Variants in MOV10 observed in about 807,000 individuals in gnomAD.
The protein encoded by MOV10 is Mov10 RNA helicase.
MOV10 carries 39 observed loss-of-function variants against 108.4 expected under a neutral mutation model. That is an observed-to-expected ratio of 0.36 (90% CI 0.28 to 0.47). MOV10 has a LOEUF of 0.47. Ranked by LOEUF, MOV10 falls within the 20% of genes least tolerant of loss-of-function variation. The probability of loss-of-function intolerance (pLI) is 1.00; values close to 1 mark genes in which losing one functional copy is unlikely to be tolerated. For synonymous variants in MOV10, 490 were observed against 523.1 expected (o/e 0.94, Z 0.86); for missense variants, 952 against 1,297.6 (o/e 0.73, Z 4.09).
intron 2 of MOV10, chr1:112,688,488 A>C (rs1673270526): frequency 9.4e-7 from 1 of 1,064,410 alleles, no homozygotes; most frequent in Non-Finnish European, 1.1e-6. Context: ...TCTCCTCACC[A>C]ACAGGCTGGA....
intron 2 of MOV10, among the ~76,000 whole-genome samples, chr1:112,677,325 A>C (rs1018109596): frequency 6.6e-6 from 1 of 152,176 alleles, no homozygotes; most frequent in African/African-American, 2.4e-5. Flanking sequence ...AGAAGACAGA[A>C]GCGGGTTTCA....
At position 112,696,457 on chromosome 1, in the gene MOV10, C is replaced by T; in HGVS notation, c.1904C>T (p.Pro635Leu). 1 of 1,614,064 alleles carries T rather than the reference C, an allele frequency of 6.2e-7. No individual in the cohort carries two copies. The highest frequency in any genetic ancestry group is 2.2e-5 in the East Asian group (1 of 44,882). ...TAGRLVSAQF[P>L]IDHFTHIFID... ...CCCAGGTTGGTCTCGGCCCAGTTTC[C>T]CATTGATCACTTCACACACATCTTC... Residue 635 changes from proline to leucine, a missense_variant, in exon 13 of 21, where the codon CCC becomes CTC. Coordinates refer to ENST00000369645, the MANE Select transcript of MOV10 (RefSeq NM_001321324.2).
chr1:112,700,357 G>T lies in MOV10; in HGVS notation c.2920+17G>T. ...CTACCTCAGGTATGGCTGGGCCAGG[G>T]TGGGGACAGTGCCAGAGGAGGTGGT... On this transcript the variant is annotated intron_variant, in intron 20 of 20. Coordinates refer to ENST00000369645, the MANE Select transcript of MOV10 (RefSeq NM_001321324.2). 1.9e-6 allele frequency: 3 copies of T among 1,614,232 alleles called. No individual in the cohort carries two copies. Among genetic ancestry groups the T allele is most frequent in the Non-Finnish European group, 2.5e-6 (3 of 1,180,032 alleles).
rs1570777126 is a variant in MOV10 at position 112,688,878 on chromosome 1, C to T, written c.138-57C>T. 1.1e-5 allele frequency: 17 copies of T among 1,608,244 alleles called. No homozygotes were observed. In the East Asian group the frequency reaches 3.8e-4, roughly 36 times the overall value. ...TCCGATGCCCTTTCCCACCCGCCGC[C>T]CTGCCTCCCTCGAGCCCTGCCTTCC... On this transcript the variant is annotated intron_variant, in intron 2 of 20. Coordinates refer to ENST00000369645, the MANE Select transcript of MOV10 (RefSeq NM_001321324.2).
rs181807473 is a variant in MOV10 at position 112,696,543 on chromosome 1, C to T, written c.1981+9C>T. ...TCTGGTAGCTATAGCAGGTGAGGGA[C>T]TCAGGTGGGGCTGCAGGTATACACC... is the stretch of plus-strand genomic sequence containing the variant. On this transcript the variant is annotated intron_variant, in intron 13 of 20. Coordinates refer to ENST00000369645, the MANE Select transcript of MOV10 (RefSeq NM_001321324.2). The T allele has an allele frequency of 8.9e-5, 144 of 1,612,868 alleles. No individual in the cohort carries two copies. Among genetic ancestry groups the T allele is most frequent in the Admixed American group, 1.7e-4 (10 of 60,024 alleles).
chr1:112,699,427 T>C, intron 17 of MOV10: 1 of 1,316,474 alleles, frequency 7.6e-7, no homozygotes, highest in Non-Finnish European at 9.8e-7. Context: ...TGAGTTCCCG[T>C]GTTCTTTGCA....
intron 5 of MOV10, among the ~76,000 whole-genome samples, chr1:112,690,487 G>C (rs1204429039): frequency 6.6e-6 from 1 of 152,102 alleles, no homozygotes; most frequent in African/African-American, 2.4e-5. Context: ...AGCCTCCTGA[G>C]TAGCTGGGAT....
intron 2 of MOV10, among the ~76,000 whole-genome samples, chr1:112,684,087 A>G (rs1672871869): frequency 6.6e-6 from 1 of 151,852 alleles, no homozygotes; most frequent in East Asian, 1.9e-4. Context: ...AGTAGCTGGG[A>G]CTACAGGGGT....
chr1:112,677,232 A>G (rs1201155232), intron 2 of MOV10, among the ~76,000 whole-genome samples: 1 of 152,222 alleles, frequency 6.6e-6, no homozygotes, highest in East Asian at 1.9e-4. Context: ...CCTCAAAAAT[A>G]GAAAAATCAG....
intron 5 of MOV10, among the ~76,000 whole-genome samples, chr1:112,691,023 A>C (rs747813455): frequency 6.6e-6 from 1 of 152,172 alleles, no homozygotes; most frequent in Non-Finnish European, 1.5e-5. Context: ...TCACACCTGT[A>C]ATCCCAGCAT....
chr1:112,700,185 C>T (rs1283097641), intron 19 of MOV10, 34 bp from the exon 20 acceptor site: 2 of 1,613,578 alleles, frequency 1.2e-6, no homozygotes, highest in South Asian at 2.2e-5. Flanking sequence ...GGCTTAGCCT[C>T]CAGTCTCTGC....
At chr1:112,693,966 C>G in intron 7 of MOV10, 52 bp from the exon 8 acceptor site, 2 of 1,585,472 alleles carry the variant, frequency 1.3e-6, no homozygotes, top group Non-Finnish European at 1.7e-6. Context: ...GGGGCTGGGC[C>G]CTCCAGCGTC....
In MOV10 at chr1:112,690,023, C is replaced by A. The variant is rs1030672648; in HGVS notation, c.761C>A (p.Thr254Asn). 1 of 1,614,006 alleles carries A rather than the reference C, an allele frequency of 6.2e-7. No homozygotes were observed. The highest frequency in any genetic ancestry group is 8.5e-7 in the Non-Finnish European group (1 of 1,180,050). The change falls in exon 5 of 21, where the codon ACT (threonine) becomes AAT (asparagine). Residue 254 changes from threonine to asparagine, a missense_variant. Coordinates refer to ENST00000369645, the MANE Select transcript of MOV10 (RefSeq NM_001321324.2). ...CTGGCTGCACAGCTGAAGCCCATGA[C>A]TCCCTTCAAGCGGACCCGGATCACC... The part of the protein sequence containing the change: ...SPLAAQLKPM[T>N]PFKRTRITGN...
Position 112,689,587 on chromosome 1 carries a change from T to C in MOV10, c.514T>C (p.Cys172Arg), listed in dbSNP as rs1245608525. The part of the protein sequence containing the change: ...SVTLTHLFPL[C>R]RTPQFAFYNE... ...TACCCTCACTCACCTCTTCCCACTC[T>C]GCCGGACACCCCAGTTTGCTTTCTA... The change falls in exon 4 of 21, where the codon TGC (cysteine) becomes CGC (arginine). Residue 172 changes from cysteine to arginine, a missense_variant. Coordinates refer to ENST00000369645, the MANE Select transcript of MOV10 (RefSeq NM_001321324.2). The C allele has an allele frequency of 6.2e-7, 1 of 1,614,218 alleles. No individual in the cohort carries two copies. The highest frequency in any genetic ancestry group is 8.5e-7 in the Non-Finnish European group (1 of 1,180,038).
chr1:112,681,460 C>G (rs1475404638), intron 2 of MOV10, among the ~76,000 whole-genome samples: 1 of 152,118 alleles, frequency 6.6e-6, no homozygotes, highest in Non-Finnish European at 1.5e-5. Context: ...CGCCATTGCA[C>G]ACCAGCCCGG....
At chr1:112,680,707 C>CT (rs1258934658) in intron 2 of MOV10, among the ~76,000 whole-genome samples, 23,428 of 107,122 alleles carry the variant, frequency 0.22, 3,475 homozygotes, top group East Asian at 0.55. Flanking sequence ...TCATTTATCT[C>CT]TTTTTTTTTT....
chr1:112,699,974 C>A lies in MOV10; in HGVS notation c.2790C>A (p.Asp930Glu). ...CCCTTCTCCTGGGCCATGACCCTGA[C>A]TGGAAAGTGTGAGCATTCCCACCCC... Reference protein sequence around the residue: ...GNPLLLGHDPDWKVFLEFCKE... With the variant: ...GNPLLLGHDPEWKVFLEFCKE... Residue 930 changes from aspartate (D) to glutamate (E), a missense_variant, in exon 19 of 21, where the codon GAC becomes GAA. Asp to Glu is a conservative substitution (Grantham distance 45). Around this residue, in one of 5 missense-constraint regions of MOV10, gnomAD observed 65 missense variants for 124.3 expected, o/e 0.52. Coordinates refer to ENST00000369645, the MANE Select transcript of MOV10 (RefSeq NM_001321324.2). The A allele has an allele frequency of 6.2e-7, 1 of 1,614,224 alleles. No individual in the cohort carries two copies. The highest frequency in any genetic ancestry group is 8.5e-7 in the Non-Finnish European group (1 of 1,180,028).
upstream of MOV10, chr1:112,674,618 G>C (rs1672029333): frequency 3.7e-6 from 1 of 273,472 alleles, no homozygotes; most frequent in Admixed American, 5.7e-5. Context: ...GAAGCCAGGG[G>C]AGGGAGCTTG....
At chr1:112,677,347 C>T (rs992159105) in intron 2 of MOV10, among the ~76,000 whole-genome samples, 9 of 152,176 alleles carry the variant, frequency 5.9e-5, no homozygotes, top group Admixed American at 6.5e-5. Context: ...CAACTATCCC[C>T]GCTCTGTACC....
Sources: allele counts gnomAD v4.1 joint callset (sites outside exome capture counted in the v4.1 genomes callset), GRCh38; gene constraint gnomAD v4.1.1; regional missense constraint gnomAD v4.1.1; transcripts MANE v1.5; gene names NCBI Gene and HGNC (gene_info 2026-07-23, HGNC 2026-07-21).